ZDHHC16: variants seen among roughly 807,000 people sequenced by gnomAD.
ZDHHC16 encodes the protein palmitoyltransferase ZDHHC16.
A neutral mutation model predicts 54.4 loss-of-function variants in ZDHHC16; 33 were observed. That is an observed-to-expected ratio of 0.61 (90% CI 0.46 to 0.81). The LOEUF is 0.81. Ranked by LOEUF, ZDHHC16 falls within the 30% of genes least tolerant of loss-of-function variation. The pLI, the probability that ZDHHC16 is intolerant of heterozygous loss-of-function variation, is 0.00. For missense variants in ZDHHC16, 420 were observed against 485.9 expected, an observed-to-expected ratio of 0.86 and a Z score of 1.28; for synonymous variants, 185 against 182.1, an observed-to-expected ratio of 1.02 and a Z score of -0.13.
At chr10:97,455,304 TCTC>T (rs1847062974) in intron 9 of ZDHHC16, among the ~76,000 whole-genome samples, 1 of 152,178 alleles carries the variant, frequency 6.6e-6, no homozygotes, top group South Asian at 2.1e-4. Flanking sequence ...ATTTCTCTAT[TCTC>T]CTTTCCACAT....
At chr10:97,446,462 G>A (rs1019532534) in intron 1 of ZDHHC16, 109 bp downstream of exon 1, 12 of 182,682 alleles carry the variant, frequency 6.6e-5, no homozygotes, top group Non-Finnish European at 1.4e-4. Context: ...TCCTCGCCCC[G>A]CCCTGCGGGG....
At position 97,456,416 on chromosome 10, in the gene ZDHHC16, T is replaced by C. The variant is rs1013625280; in HGVS notation, c.1020-361T>C. 7 of 309,666 alleles carry C rather than the reference T, an allele frequency of 2.3e-5. No individual in the cohort carries two copies. The Middle Eastern group carries it at 2.7e-3, about 121-fold the overall frequency. The allele number at this position is 309,666 out of a possible 1,614,324, so 19.2% of individuals were successfully genotyped here. A position where few individuals can be genotyped will look rare whatever the true frequency, so the allele number is the denominator to read the frequency against. On this transcript the variant is annotated intron_variant, in intron 11 of 11. Transcript: ENST00000393760. ...GTCATAGAGGCCCTAAGACAGTAACTGGAGCTAGCTCTCTCAGCCCAAGAC... is the reference window on the plus strand; with the variant it reads ...GTCATAGAGGCCCTAAGACAGTAACCGGAGCTAGCTCTCTCAGCCCAAGAC...
intron 8 of ZDHHC16, 123 bp from the exon 9 acceptor site, chr10:97,454,591 C>G (rs1846984821): frequency 1.1e-6 from 1 of 885,742 alleles, no homozygotes; most frequent in Admixed American, 2.0e-5. Context: ...TACCCTAACT[C>G]CTCTGTGGCT....
intron 5 of ZDHHC16, 139 bp from the exon 6 acceptor site, chr10:97,452,756 G>C: frequency 8.3e-7 from 1 of 1,209,504 alleles, no homozygotes; most frequent in South Asian, 1.3e-5. Flanking sequence ...GCAGAGCTGG[G>C]TTTGAAGCAA....
intron 9 of ZDHHC16, 158 bp from the exon 10 acceptor site, chr10:97,455,502 C>A: frequency 8.0e-7 from 1 of 1,249,964 alleles, no homozygotes; most frequent in Non-Finnish European, 1.1e-6. Context: ...TCTTTATAGA[C>A]ATAGTGAAGT....
At chr10:97,449,117 T>C (rs954061725) in intron 1 of ZDHHC16, among the ~76,000 whole-genome samples, 3 of 152,170 alleles carry the variant, frequency 2.0e-5, no homozygotes, top group African/African-American at 4.8e-5. Flanking sequence ...AGGGACAGAA[T>C]TGAACCCTAA....
intron 9 of ZDHHC16, 78 bp downstream of exon 9, chr10:97,454,877 C>G: frequency 7.8e-7 from 1 of 1,280,654 alleles, no homozygotes; most frequent in Non-Finnish European, 1.1e-6. Flanking sequence ...CAGGCAGAAA[C>G]CCATTCCTAA....
chr10:97,452,947 C>G (rs1490490480), intron 6 of ZDHHC16, 24 bp downstream of exon 6: 1 of 1,614,144 alleles, frequency 6.2e-7, no homozygotes, highest in Non-Finnish European at 8.5e-7. Context: ...TTCTCTTCTG[C>G]CTGAGGCCTT....
At chr10:97,449,760 C>T (rs1846423941) in intron 1 of ZDHHC16, among the ~76,000 whole-genome samples, 2 of 152,094 alleles carry the variant, frequency 1.3e-5, no homozygotes, top group South Asian at 4.1e-4. Flanking sequence ...AAACTCCTGA[C>T]CTCAAGTGAT....
rs748072302 is a variant in ZDHHC16 at position 97,453,660 on chromosome 10, T to C, written c.687T>C (p.Ile229=). ...TTTTCCGGGAGGCTTATGCTGCCAT[T>C]GAGGTGAGCTCATCAGGAACAGGGC... The part of the protein sequence containing the change: ...WDLFREAYAA[I]EKMKQLDKNK... The change falls in exon 7 of 12, where the codon ATT becomes ATC. Residue 229 remains isoleucine (I), a synonymous_variant. Coordinates refer to ENST00000393760, the MANE Select transcript of ZDHHC16 (RefSeq NM_198046.3). 3 of 1,614,196 alleles carry C rather than the reference T, an allele frequency of 1.9e-6. No individual in the cohort carries two copies. Among genetic ancestry groups the C allele is most frequent in the Non-Finnish European group, 2.5e-6 (3 of 1,180,022 alleles).
chr10:97,447,374 C>T (rs1269222448), intron 1 of ZDHHC16, among the ~76,000 whole-genome samples: 2 of 152,162 alleles, frequency 1.3e-5, no homozygotes, highest in African/African-American at 2.4e-5. Context: ...TCCCCTCAGT[C>T]GACTTTCCCA....
At chr10:97,452,809 G>A (rs144097951) in intron 5 of ZDHHC16, 86 bp from the exon 6 acceptor site, 4 of 1,581,096 alleles carry the variant, frequency 2.5e-6, no homozygotes, top group Non-Finnish European at 3.5e-6. Context: ...CACCTCAGCA[G>A]GATGCTGGTC....
chr10:97,455,806 G>A lies in ZDHHC16; in HGVS notation c.948+23G>A, dbSNP rs1237253188. The A allele has an allele frequency of 8.7e-6, 14 of 1,609,720 alleles. No homozygotes were observed. In the East Asian group the frequency reaches 3.1e-4, roughly 36 times the overall value. ...AGAGTGAGTAGGGTTGAAGGCTCGG[G>A]GTGGGTAGGTGGGTAACTGAACTTG... On this transcript the variant is annotated intron_variant, in intron 10 of 11. Coordinates refer to ENST00000393760, the MANE Select transcript of ZDHHC16 (RefSeq NM_198046.3).
chr10:97,452,587 G>C, intron 5 of ZDHHC16, 84 bp downstream of exon 5: 1 of 1,416,886 alleles, frequency 7.1e-7, no homozygotes, highest in Non-Finnish European at 9.7e-7. Flanking sequence ...AGTTTGCTAA[G>C]ACATGGGTGA....
chr10:97,454,608 T>C (rs1846987111), intron 8 of ZDHHC16, 106 bp from the exon 9 acceptor site: 11 of 1,066,946 alleles, frequency 1.0e-5, no homozygotes, highest in Non-Finnish European at 1.6e-5. Context: ...GGCTTTACCC[T>C]GTTTTCTCTG....
At chr10:97,453,353 T>C (rs1202459611) in intron 6 of ZDHHC16, among the ~76,000 whole-genome samples, 177 bp from the exon 7 acceptor site, 2 of 152,146 alleles carry the variant, frequency 1.3e-5, no homozygotes, top group East Asian at 3.9e-4. Flanking sequence ...CTTTGAGCAT[T>C]TTCACCTCAA....
chr10:97,452,992 C>T (rs1421960588), intron 6 of ZDHHC16, 69 bp downstream of exon 6: 20 of 1,598,378 alleles, frequency 1.3e-5, no homozygotes, highest in Non-Finnish European at 1.7e-5. Context: ...GGTTAATGGC[C>T]ACCATTTTAG....
At chr10:97,446,485 C>A (rs1846044033) in intron 1 of ZDHHC16, 132 bp downstream of exon 1, 1 of 177,664 alleles carries the variant, frequency 5.6e-6, no homozygotes, top group Non-Finnish European at 1.2e-5. Context: ...GTGCCCTCCT[C>A]AGCCCGAGCG....
chr10:97,450,864 G>A (rs1410797089), intron 2 of ZDHHC16: 1 of 152,166 alleles, frequency 6.6e-6, no homozygotes, highest in Non-Finnish European at 1.5e-5. Flanking sequence ...TCAACATGGA[G>A]GTCCCCTCCC....
Sources: allele counts gnomAD v4.1 joint callset (sites outside exome capture counted in the v4.1 genomes callset), GRCh38; gene constraint gnomAD v4.1.1; transcripts MANE v1.5; gene names NCBI Gene and HGNC (gene_info 2026-07-23, HGNC 2026-07-21).